Variants in PALLD observed in about 807,000 individuals in gnomAD.
PALLD encodes palladin.
In PALLD, 61 loss-of-function variants were observed where a neutral mutation model predicts 123.5. That is an observed-to-expected ratio of 0.49 (90% CI 0.40 to 0.61). PALLD has a LOEUF of 0.61. Among genes scored for constraint, PALLD ranks in the 20% least tolerant of loss-of-function variants. The pLI is 0.00. For missense variants in PALLD, 1,273 were observed against 1,377.0 expected, an observed-to-expected ratio of 0.92 and a Z score of 1.20; for synonymous variants, 465 against 496.4, an observed-to-expected ratio of 0.94 and a Z score of 0.84.
chr4:168,628,237 C>T (rs912367447), intron 2 of PALLD, among the ~76,000 whole-genome samples: 4 of 152,184 alleles, frequency 2.6e-5, no homozygotes, highest in Non-Finnish European at 4.4e-5. Context: ...TTGAATAAAT[C>T]GTGGTGCATT....
chr4:168,905,245 C>G (rs550115769), intron 15 of PALLD, among the ~76,000 whole-genome samples: 198 of 140,438 alleles, frequency 1.4e-3, no homozygotes, highest in Non-Finnish European at 2.1e-3. Flanking sequence ...CCGCCTCCTG[C>G]GTTCACACCA....
chr4:168,575,549 T>TCAC (rs1769479316), intron 2 of PALLD, among the ~76,000 whole-genome samples: 1 of 152,024 alleles, frequency 6.6e-6, no homozygotes, highest in Non-Finnish European at 1.5e-5. Context: ...CCAAACCATA[T>TCAC]CACCACTCTA....
chr4:168,540,653 C>T (rs1765524016), intron 2 of PALLD, among the ~76,000 whole-genome samples: 1 of 151,994 alleles, frequency 6.6e-6, no homozygotes, highest in Non-Finnish European at 1.5e-5. Flanking sequence ...TTTTTATCTT[C>T]TTACTTTGCT....
chr4:168,760,308 G>A (rs537757472), intron 10 of PALLD, among the ~76,000 whole-genome samples: 21 of 142,280 alleles, frequency 1.5e-4, no homozygotes, highest in African/African-American at 5.2e-4. Flanking sequence ...CCTAGTTCCC[G>A]GCTCTGGCAG....
intron 14 of PALLD, among the ~76,000 whole-genome samples, chr4:168,902,963 A>G (rs760394042): frequency 9.2e-5 from 14 of 151,762 alleles, no homozygotes; most frequent in African/African-American, 2.4e-4. Flanking sequence ...GGGTCTTACT[A>G]TGTTGCCCAG....
intron 10 of PALLD, among the ~76,000 whole-genome samples, chr4:168,741,987 C>T (rs1450700601): frequency 6.6e-6 from 1 of 152,190 alleles, no homozygotes; most frequent in African/African-American, 2.4e-5. Flanking sequence ...TTTGACATGT[C>T]CCAGCTTCAC....
chr4:168,925,531 T>C (rs187374121), intron 21 of PALLD: 1 of 490,832 alleles, frequency 2.0e-6, no homozygotes, highest in East Asian at 3.8e-5. Flanking sequence ...TGCGTACTTT[T>C]GTGGCTTAGT....
intron 10 of PALLD, among the ~76,000 whole-genome samples, chr4:168,851,357 A>G (rs1747748286): frequency 6.6e-6 from 1 of 152,100 alleles, no homozygotes; most frequent in Non-Finnish European, 1.5e-5. Context: ...CATTCATTCC[A>G]AACCTGTTTT....
Position 168,926,307 on chromosome 4 carries a change from C to G in PALLD, c.*127C>G, listed in dbSNP as rs1306250811. The stretch of plus-strand genomic sequence containing the variant: ...CACTTTCGGACCAGGGACTAGACAT[C>G]AAAGCAGCGTTCCAACCTGAGGCCA... On this transcript the variant is annotated 3_prime_UTR_variant, in exon 22 of 22. Transcript: ENST00000505667. 17 of 1,537,342 alleles carry G rather than the reference C, an allele frequency of 1.1e-5. No homozygotes were observed. The highest frequency in any genetic ancestry group is 1.4e-5 in the Non-Finnish European group (16 of 1,146,868).
At chr4:168,772,380 C>A (rs1230921543) in intron 10 of PALLD, among the ~76,000 whole-genome samples, 1 of 152,156 alleles carries the variant, frequency 6.6e-6, no homozygotes, top group Non-Finnish European at 1.5e-5. Context: ...TTGTACACCT[C>A]CCCTTACATG....
chr4:168,680,204 G>A (rs1003500692), intron 3 of PALLD, among the ~76,000 whole-genome samples: 10 of 151,922 alleles, frequency 6.6e-5, no homozygotes, highest in African/African-American at 2.4e-4. Flanking sequence ...CAGGCCATGT[G>A]CGGTGGCTCA....
At chr4:168,585,301 AGTGT>A (rs3036319) in intron 2 of PALLD, among the ~76,000 whole-genome samples, 45,068 of 150,030 alleles carry the variant, frequency 0.3, 6,721 homozygotes, top group East Asian at 0.38. Context: ...TATGAGTGTG[AGTGT>A]GTGTGTGTGT....
chr4:168,712,956 T>TAA (rs1195651050), intron 10 of PALLD, among the ~76,000 whole-genome samples: 10 of 152,246 alleles, frequency 6.6e-5, no homozygotes, highest in Admixed American at 6.5e-5. Context: ...CTTACCTTTG[T>TAA]ACATCACTTT....
At chr4:168,919,408 C>A (rs1760952359) in intron 17 of PALLD, among the ~76,000 whole-genome samples, 2 of 151,938 alleles carry the variant, frequency 1.3e-5, no homozygotes, top group African/African-American at 2.4e-5. Flanking sequence ...GCCTGTAATC[C>A]CAGCTACTCA....
intron 2 of PALLD, among the ~76,000 whole-genome samples, chr4:168,543,284 C>A (rs1268115559): frequency 6.6e-6 from 1 of 151,510 alleles, no homozygotes; most frequent in African/African-American, 2.4e-5. Context: ...TAGGATAACA[C>A]ATGACACCTA....
At chr4:168,522,286 C>T (rs897521273) in intron 2 of PALLD, among the ~76,000 whole-genome samples, 8 of 152,172 alleles carry the variant, frequency 5.3e-5, no homozygotes, top group African/African-American at 1.9e-4. Context: ...GCAGGCTTTT[C>T]CTCAGCTAGA....
intron 10 of PALLD, among the ~76,000 whole-genome samples, chr4:168,824,349 T>C (rs76024614): frequency 0.056 from 8,583 of 152,258 alleles, 284 homozygotes; most frequent in South Asian, 0.15. Flanking sequence ...TTTCTCTCAG[T>C]GCAGTCTTCT....
intron 2 of PALLD, among the ~76,000 whole-genome samples, chr4:168,593,334 G>A (rs571088139): frequency 2.6e-5 from 4 of 151,754 alleles, no homozygotes; most frequent in African/African-American, 9.7e-5. Context: ...TTCTGATTAA[G>A]GGGAGGAAGA....
intron 10 of PALLD, among the ~76,000 whole-genome samples, chr4:168,859,161 G>A (rs530079228): frequency 2.1e-4 from 32 of 152,234 alleles, no homozygotes; most frequent in African/African-American, 6.3e-4. Context: ...TGCATTTCAC[G>A]TGAGAGAAAA....
Sources: allele counts gnomAD v4.1 joint callset (sites outside exome capture counted in the v4.1 genomes callset), GRCh38; gene constraint gnomAD v4.1.1; transcripts MANE v1.5; gene names NCBI Gene and HGNC (gene_info 2026-07-23, HGNC 2026-07-21).